FIRRM: variants seen among roughly 807,000 people sequenced by gnomAD.
The protein encoded by FIRRM is FIGNL1-interacting regulator of recombination and mitosis.
the FIRRM span, among the ~76,000 whole-genome samples, chr1:169,794,070 T>C: frequency 6.7e-6 from 1 of 149,240 alleles, no homozygotes; most frequent in Non-Finnish European, 1.5e-5. Flanking sequence ...TGGACACTCA[T>C]ACACACCTTA....
the FIRRM span, among the ~76,000 whole-genome samples, chr1:169,824,613 G>A: frequency 6.6e-5 from 10 of 152,140 alleles, no homozygotes; most frequent in Admixed American, 6.5e-4. Flanking sequence ...TTCTTGTTAA[G>A]GTCATCAGTG....
chr1:169,816,709 T>C, the FIRRM span, among the ~76,000 whole-genome samples: 1 of 152,204 alleles, frequency 6.6e-6, no homozygotes, highest in Non-Finnish European at 1.5e-5. Context: ...TGACATTCTT[T>C]ATTTACCACA....
At chr1:169,811,642 G>C in the FIRRM span, among the ~76,000 whole-genome samples, 8 of 152,114 alleles carry the variant, frequency 5.3e-5, no homozygotes, top group Non-Finnish European at 8.8e-5. Context: ...ACAACAGAGT[G>C]AGAGCTTGTC....
the FIRRM span, chr1:169,852,580 A>C: frequency 1.7e-6 from 1 of 575,492 alleles, no homozygotes; most frequent in South Asian, 2.2e-5. Flanking sequence ...AAACTAAGAC[A>C]CTGGTAGTAG....
the FIRRM span, chr1:169,792,970 A>G: frequency 6.2e-7 from 1 of 1,613,910 alleles, no homozygotes; most frequent in Admixed American, 1.7e-5. Context: ...CATTTACATC[A>G]TTTTCTTCAT....
At chr1:169,821,702 T>G in the FIRRM span, 109 of 1,611,472 alleles carry the variant, frequency 6.8e-5, no homozygotes, top group Admixed American at 1.8e-3. Flanking sequence ...ACAGATTATT[T>G]CAGAAAACAC....
chr1:169,853,081 A>C, the FIRRM span: 1 of 1,166,750 alleles, frequency 8.6e-7, no homozygotes, highest in Non-Finnish European at 1.2e-6. Flanking sequence ...AAATTTTGTA[A>C]AGTTGAATCT....
the FIRRM span, among the ~76,000 whole-genome samples, chr1:169,836,600 GTATATAGGAAAATAAGACTTATTGGT>G: frequency 6.6e-6 from 1 of 150,434 alleles, no homozygotes; most frequent in African/African-American, 2.4e-5. Context: ...AAGGTGACGA[GTATATAGGAAAATAAGACTTATTGGT>G]AAGTAGGAGC....
the FIRRM span, among the ~76,000 whole-genome samples, chr1:169,815,784 T>C: frequency 1.3e-5 from 2 of 152,182 alleles, no homozygotes; most frequent in East Asian, 3.9e-4. Context: ...CAGCCCCTTT[T>C]CAAGATGGAG....
At chr1:169,807,940 G>A in the FIRRM span, 11 of 1,596,152 alleles carry the variant, frequency 6.9e-6, no homozygotes, top group South Asian at 1.2e-4. Context: ...GTAAAATTTG[G>A]GCTAATAGCA....
the FIRRM span, chr1:169,795,788 T>C: frequency 1.0e-6 from 1 of 985,454 alleles, no homozygotes; most frequent in Non-Finnish European, 1.2e-6. Context: ...TTTTCTTCTT[T>C]CTTTCTTTTT....
the FIRRM span, among the ~76,000 whole-genome samples, chr1:169,788,993 T>C: frequency 6.6e-6 from 1 of 152,218 alleles, no homozygotes; most frequent in Non-Finnish European, 1.5e-5. Context: ...ATAAATGTAC[T>C]GTGGCTTCCC....
chr1:169,807,916 A>C, the FIRRM span: 20 of 1,604,172 alleles, frequency 1.2e-5, no homozygotes, highest in Non-Finnish European at 1.7e-5. Flanking sequence ...CAGATGACAC[A>C]GTCAGATGCA....
the FIRRM span, chr1:169,799,095 T>G: frequency 5.2e-6 from 2 of 382,236 alleles, no homozygotes; most frequent in East Asian, 7.7e-5. Context: ...CTTTATAACC[T>G]TCAGTTACTT....
chr1:169,793,838 A>G, the FIRRM span: 1 of 600,846 alleles, frequency 1.7e-6, no homozygotes, highest in Non-Finnish European at 2.7e-6. Flanking sequence ...ATGGTAACAA[A>G]TATTTAGAGA....
At chr1:169,803,504 T>TG in the FIRRM span, among the ~76,000 whole-genome samples, 1,479 of 152,292 alleles carry the variant, frequency 9.7e-3, 24 homozygotes, top group African/African-American at 0.033. Flanking sequence ...AGTGGCTTTT[T>TG]GGGGTTTTTT....
At chr1:169,788,590 G>C in the FIRRM span, among the ~76,000 whole-genome samples, 2 of 152,138 alleles carry the variant, frequency 1.3e-5, no homozygotes, top group Admixed American at 6.5e-5. Flanking sequence ...TCAACTGCAG[G>C]GGGGTGGGCA....
chr1:169,847,620 T>G, the FIRRM span: 1 of 1,113,010 alleles, frequency 9.0e-7, no homozygotes, highest in Non-Finnish European at 1.3e-6. Context: ...ATCCAAATCT[T>G]AGGCAGTTAT....
At chr1:169,794,813 A>C in the FIRRM span, 1 of 405,850 alleles carries the variant, frequency 2.5e-6, no homozygotes, top group Non-Finnish European at 4.6e-6. Context: ...AGTGATCCAG[A>C]CCTGGGGATG....
Sources: allele counts gnomAD v4.1 joint callset (sites outside exome capture counted in the v4.1 genomes callset), GRCh38; gene constraint gnomAD v4.1.1; transcripts MANE v1.5; gene names NCBI Gene and HGNC (gene_info 2026-07-23, HGNC 2026-07-21).